Variants in C1D observed in about 807,000 individuals in gnomAD.
The protein encoded by C1D is nuclear nucleic acid-binding protein C1D.
A neutral mutation model predicts 17.5 loss-of-function variants in C1D; 10 were observed. That is an observed-to-expected ratio of 0.57 (90% CI 0.35 to 0.97). The LOEUF is 0.97. Among genes scored for constraint, C1D ranks in the 50% least tolerant of loss-of-function variants. The pLI is 0.01. For missense variants in C1D, 136 were observed against 160.1 expected (o/e 0.85, Z 0.81); for synonymous variants, 49 against 54.0 (o/e 0.91, Z 0.40).
intron 1 of C1D, among the ~76,000 whole-genome samples, chr2:68,059,083 A>G (rs1382691613): frequency 6.6e-6 from 1 of 152,178 alleles, no homozygotes. Context: ...TCTGCAGGCT[A>G]CACAAGAAGC....
chr2:68,053,053 G>T, intron 1 of C1D: 1 of 1,549,188 alleles, frequency 6.5e-7, no homozygotes, highest in Middle Eastern at 1.7e-4. Context: ...AAGAAGAAAA[G>T]AACTCACCCA....
chr2:68,054,561 T>C (rs773839115), intron 1 of C1D, among the ~76,000 whole-genome samples: 15 of 152,198 alleles, frequency 9.9e-5, no homozygotes, highest in Non-Finnish European at 1.6e-4. Context: ...CCTTACTTAA[T>C]TGATTATGGA....
chr2:68,055,239 T>C (rs540218776), intron 1 of C1D, among the ~76,000 whole-genome samples: 2 of 152,254 alleles, frequency 1.3e-5, no homozygotes, highest in South Asian at 4.1e-4. Flanking sequence ...GCACATATTA[T>C]GAACCTCCTG....
chr2:68,042,835 G>GT lies in C1D; in HGVS notation c.*53_*54insA. The GT allele has an allele frequency of 1.7e-4, 25 of 149,854 alleles. No individual in the cohort carries two copies. The highest frequency in any genetic ancestry group is 1.8e-3 in the Middle Eastern group (1 of 548). The allele number at this position is 149,854 out of a possible 1,614,324, so 9.3% of individuals were successfully genotyped here. A position where few individuals can be genotyped will look rare whatever the true frequency, so the allele number is the denominator to read the frequency against. ...TGCCACAGAATTATTTTGCGGGGGG[G>GT]GGGGGGGGGGGGAAGATGTACTTTT... On this transcript the variant is annotated 3_prime_UTR_variant, in exon 5 of 5. Transcript: ENST00000410067.
intron 3 of C1D, 88 bp downstream of exon 3, chr2:68,046,256 T>A: frequency 9.4e-7 from 1 of 1,069,056 alleles, no homozygotes; most frequent in Non-Finnish European, 1.4e-6. Flanking sequence ...AGTATAATTG[T>A]AAATAAATTG....
intron 1 of C1D, among the ~76,000 whole-genome samples, chr2:68,055,242 A>C (rs1429238904): frequency 6.6e-6 from 1 of 152,138 alleles, no homozygotes; most frequent in African/African-American, 2.4e-5. Flanking sequence ...CATATTATGA[A>C]CCTCCTGATG....
chr2:68,048,924 C>T (rs1206185701), intron 1 of C1D, among the ~76,000 whole-genome samples: 1 of 152,122 alleles, frequency 6.6e-6, no homozygotes, highest in Non-Finnish European at 1.5e-5. Flanking sequence ...GGGCTGGACA[C>T]GGTGGCTCCC....
chr2:68,055,795 AATT>A (rs1464563353), intron 1 of C1D, among the ~76,000 whole-genome samples: 2 of 152,238 alleles, frequency 1.3e-5, no homozygotes, highest in Non-Finnish European at 2.9e-5. Flanking sequence ...AGCCTCCACA[AATT>A]ATTACAACTT....
chr2:68,061,785 A>G (rs1325466149), intron 1 of C1D, among the ~76,000 whole-genome samples: 3 of 152,228 alleles, frequency 2.0e-5, no homozygotes, highest in Non-Finnish European at 4.4e-5. Flanking sequence ...GATAATACAT[A>G]TGAAGAGCCA....
At chr2:68,058,682 C>A (rs1174062419) in intron 1 of C1D, among the ~76,000 whole-genome samples, 1 of 152,156 alleles carries the variant, frequency 6.6e-6, no homozygotes, top group Non-Finnish European at 1.5e-5. Context: ...TTTAATACAA[C>A]ATATAAGGTT....
rs1486506927 is a variant in C1D at position 68,059,199 on chromosome 2, G to A, written c.-10+3759C>T. 3.3e-5 allele frequency among the ~76,000 whole-genome samples: 5 copies of A among 152,094 alleles called. No homozygotes were observed. In the East Asian group the frequency reaches 5.8e-4, roughly 18 times the overall value. On this transcript the variant is annotated intron_variant, in intron 1 of 4. Coordinates refer to ENST00000410067, the MANE Select transcript of C1D (RefSeq NM_173177.3). ...AGCTTCCATGTTCTTTTAAACAACCGGCTCTAGGAGTGAACTAATAGAGTG... is the reference window on the plus strand; with the variant it reads ...AGCTTCCATGTTCTTTTAAACAACCAGCTCTAGGAGTGAACTAATAGAGTG...
At chr2:68,043,127 C>T (rs1210941995) in intron 4 of C1D, 74 bp from the exon 5 acceptor site, 9 of 1,132,786 alleles carry the variant, frequency 7.9e-6, no homozygotes, top group Non-Finnish European at 1.0e-5. Flanking sequence ...TACTGTACAC[C>T]TTGGTTAAAT....
chr2:68,052,003 C>A (rs976160576), intron 1 of C1D, among the ~76,000 whole-genome samples: 1 of 151,786 alleles, frequency 6.6e-6, no homozygotes, highest in Non-Finnish European at 1.5e-5. Context: ...TAAACTATAA[C>A]AAAATATTGG....
At chr2:68,057,074 C>T (rs562032595) in intron 1 of C1D, among the ~76,000 whole-genome samples, 67 of 152,194 alleles carry the variant, frequency 4.4e-4, no homozygotes, top group African/African-American at 1.3e-3. Context: ...TGAAAAGGTA[C>T]GAGGTACAGC....
At chr2:68,045,611 AGGTG>A (rs905220657) in intron 4 of C1D, among the ~76,000 whole-genome samples, 41 of 152,168 alleles carry the variant, frequency 2.7e-4, no homozygotes, top group Non-Finnish European at 1.5e-5. Flanking sequence ...GGAATTGAAA[AGGTG>A]GGAGGGAGAA....
intron 1 of C1D, among the ~76,000 whole-genome samples, chr2:68,058,771 C>T (rs1004227137): frequency 2.0e-5 from 3 of 152,232 alleles, no homozygotes; most frequent in African/African-American, 7.2e-5. Flanking sequence ...ACATCACACT[C>T]AACTTCTGTT....
At chr2:68,058,661 T>C (rs1346245506) in intron 1 of C1D, among the ~76,000 whole-genome samples, 1 of 152,198 alleles carries the variant, frequency 6.6e-6, no homozygotes, top group Non-Finnish European at 1.5e-5. Context: ...GGATGCTCTC[T>C]GGACAAAATC....
chr2:68,047,490 C>T (rs1393241031), intron 1 of C1D, among the ~76,000 whole-genome samples, 171 bp from the exon 2 acceptor site: 1 of 152,070 alleles, frequency 6.6e-6, no homozygotes, highest in East Asian at 1.9e-4. Context: ...CCAATTTGTC[C>T]CCTTCTTAAG....
chr2:68,061,880 T>C (rs768534099), intron 1 of C1D, among the ~76,000 whole-genome samples: 46 of 152,252 alleles, frequency 3.0e-4, no homozygotes, highest in Non-Finnish European at 5.1e-4. Context: ...AAGGCAGCTG[T>C]AGTATCTTTT....
Sources: allele counts gnomAD v4.1 joint callset (sites outside exome capture counted in the v4.1 genomes callset), GRCh38; gene constraint gnomAD v4.1.1; transcripts MANE v1.5; gene names NCBI Gene and HGNC (gene_info 2026-07-23, HGNC 2026-07-21).